PRTFDC1: variants seen among roughly 807,000 people sequenced by gnomAD.
PRTFDC1 encodes phosphoribosyl transferase domain containing 1.
In PRTFDC1, 38 loss-of-function variants were observed where a neutral mutation model predicts 34.6. The ratio of observed to expected loss-of-function variants is 1.10; its 90% CI spans 0.85 to 1.44. PRTFDC1 has a LOEUF of 1.44. Ranked by LOEUF, PRTFDC1 falls within the 40% of genes most tolerant of loss-of-function variation. The pLI is 0.00. For synonymous variants in PRTFDC1, 93 were observed against 98.1 expected, an observed-to-expected ratio of 0.95 and a Z score of 0.31; for missense variants, 270 against 283.0, an observed-to-expected ratio of 0.95 and a Z score of 0.33.
At chr10:24,942,487 T>A in intron 1 of PRTFDC1, 51 bp from the exon 2 acceptor site, 1 of 1,426,208 alleles carries the variant, frequency 7.0e-7, no homozygotes, top group Non-Finnish European at 9.9e-7. Flanking sequence ...GAAATTTGTT[T>A]AAAACATAAC....
At chr10:24,909,072 G>A (rs1362111857) in intron 3 of PRTFDC1, among the ~76,000 whole-genome samples, 1 of 152,166 alleles carries the variant, frequency 6.6e-6, no homozygotes, top group Admixed American at 6.5e-5. Context: ...ATTGAGGCCA[G>A]GAGCTCAAAA....
In PRTFDC1 at chr10:24,920,236, T is replaced by A. The variant is rs531409629; in HGVS notation, c.339+16948A>T. ...GACATGGAATCAACCCAAATGCCCA[T>A]CAATGATAGACTGGATAAATAAAAT... On this transcript the variant is annotated intron_variant, in intron 3 of 8. Transcript: ENST00000320152. Among the ~76,000 whole-genome samples, 14 of 152,120 alleles carry A rather than the reference T, an allele frequency of 9.2e-5. No homozygotes were observed. In the South Asian group the frequency reaches 2.7e-3, roughly 29 times the overall value.
intron 2 of PRTFDC1, among the ~76,000 whole-genome samples, chr10:24,937,568 T>C (rs1849074747): frequency 6.6e-6 from 1 of 151,468 alleles, no homozygotes; most frequent in South Asian, 2.1e-4. Context: ...TTTTTTTTTT[T>C]TTTTTTTAAG....
At chr10:24,899,304 A>AGTTGGACCTCTTCTTCTT (rs1386347174) in intron 3 of PRTFDC1, among the ~76,000 whole-genome samples, 61 of 152,306 alleles carry the variant, frequency 4.0e-4, no homozygotes, top group Middle Eastern at 6.8e-3. Flanking sequence ...TTTCCACAGT[A>AGTTGGACCTCTTCTTCTT]GTTGGACCTC....
intron 3 of PRTFDC1, among the ~76,000 whole-genome samples, chr10:24,890,059 A>C (rs1848234581): frequency 6.6e-6 from 1 of 152,230 alleles, no homozygotes; most frequent in Admixed American, 6.5e-5. Context: ...TGTATCCTCT[A>C]ATAAATGTTT....
intron 3 of PRTFDC1, 73 bp from the exon 4 acceptor site, chr10:24,872,136 T>G: frequency 7.5e-7 from 1 of 1,335,776 alleles, no homozygotes; most frequent in South Asian, 1.2e-5. Flanking sequence ...TTTTCCTGTC[T>G]ACCCAGTTAG....
In PRTFDC1 at chr10:24,952,046, A is replaced by G. The variant is rs1271382588; in HGVS notation, c.48+482T>C. The stretch of plus-strand genomic sequence containing the variant: ...TGGGTACCAAAGGCTTCAAATCTCA[A>G]GCTCTGTCCACTTGAGCTACTTTAT... On this transcript the variant is annotated intron_variant, in intron 1 of 8. Coordinates refer to ENST00000320152, the MANE Select transcript of PRTFDC1 (RefSeq NM_020200.7). The surrounding 1 kb of genome is among the most constrained non-coding windows in gnomAD (Gnocchi z 5.1). 6.6e-6 allele frequency among the ~76,000 whole-genome samples: 1 copy of G among 152,220 alleles called. No individual in the cohort carries two copies. The highest frequency in any genetic ancestry group is 2.4e-5 in the African/African-American group (1 of 41,466).
intron 4 of PRTFDC1, among the ~76,000 whole-genome samples, chr10:24,859,898 T>C (rs1847647959): frequency 6.6e-6 from 1 of 152,200 alleles, no homozygotes; most frequent in Non-Finnish European, 1.5e-5. Context: ...CTGATTAAAC[T>C]TATTACTGAG....
At chr10:24,880,082 T>C (rs566687826) in intron 3 of PRTFDC1, among the ~76,000 whole-genome samples, 2 of 152,264 alleles carry the variant, frequency 1.3e-5, no homozygotes, top group South Asian at 4.1e-4. Flanking sequence ...TCAGTTTCCT[T>C]ATGAATAAAA....
chr10:24,903,437 C>A (rs548370912), intron 3 of PRTFDC1, among the ~76,000 whole-genome samples: 18 of 152,150 alleles, frequency 1.2e-4, no homozygotes, highest in Non-Finnish European at 2.1e-4. Flanking sequence ...GATGTGGACA[C>A]TTTTCTGAAT....
intron 1 of PRTFDC1, 121 bp from the exon 2 acceptor site, chr10:24,942,557 GTTAT>G (rs1174575330): frequency 1.0e-5 from 8 of 786,678 alleles, no homozygotes; most frequent in African/African-American, 8.4e-5. Context: ...GTGGAACAAG[GTTAT>G]TTGTTTCCAC....
intron 4 of PRTFDC1, among the ~76,000 whole-genome samples, chr10:24,869,364 T>G (rs1334030896): frequency 6.6e-6 from 1 of 152,142 alleles, no homozygotes; most frequent in African/African-American, 2.4e-5. Flanking sequence ...CAAAAACCCT[T>G]CCCCAGGGCT....
chr10:24,930,744 C>T (rs1000117714), intron 3 of PRTFDC1, among the ~76,000 whole-genome samples: 7 of 151,954 alleles, frequency 4.6e-5, no homozygotes, highest in Non-Finnish European at 7.4e-5. Flanking sequence ...ATGTGTAGTA[C>T]AAATATAATA....
intron 3 of PRTFDC1, among the ~76,000 whole-genome samples, chr10:24,925,695 C>T (rs1263569557): frequency 6.6e-6 from 1 of 152,092 alleles, no homozygotes; most frequent in African/African-American, 2.4e-5. Flanking sequence ...ATACTAATAA[C>T]ACATACACTT....
chr10:24,880,842 TCTTTC>T (rs1848062213), intron 3 of PRTFDC1, among the ~76,000 whole-genome samples: 1 of 147,050 alleles, frequency 6.8e-6, no homozygotes, highest in South Asian at 2.2e-4. Context: ...TTTCTTTCTT[TCTTTC>T]TTTCTTTCTT....
rs1849312071 is a variant in PRTFDC1 at position 24,949,841 on chromosome 10, TCTC to T, written c.48+2684_48+2686del. 3.3e-5 allele frequency among the ~76,000 whole-genome samples: 5 copies of T among 152,010 alleles called. No homozygotes were observed. In the South Asian group the frequency reaches 1.0e-3, roughly 32 times the overall value. On this transcript the variant is annotated intron_variant, in intron 1 of 8. Transcript: ENST00000320152. ...CCTCCACCTTCCGGATTCAAGCAAT[TCTC>T]CTGCTTCTGCCTCCCAAGTAGCTGT...
At chr10:24,889,145 T>G (rs1848220374) in intron 3 of PRTFDC1, among the ~76,000 whole-genome samples, 1 of 152,098 alleles carries the variant, frequency 6.6e-6, no homozygotes, top group Non-Finnish European at 1.5e-5. Context: ...GATTAGTGCC[T>G]TTAGAAAAGA....
chr10:24,937,489 G>T, intron 2 of PRTFDC1, 122 bp from the exon 3 acceptor site: 1 of 879,548 alleles, frequency 1.1e-6, no homozygotes, highest in Non-Finnish European at 1.6e-6. Context: ...GAAAACCTTG[G>T]GAAACAGAAA....
At chr10:24,910,892 A>ATTTTTT (rs554253291) in intron 3 of PRTFDC1, among the ~76,000 whole-genome samples, 1 of 141,124 alleles carries the variant, frequency 7.1e-6, no homozygotes, top group Non-Finnish European at 1.6e-5. Context: ...GAGTTAGGTA[A>ATTTTTT]TTTTTTTTTT....
Sources: gnomAD v4.1 joint callset for allele counts (sites outside exome capture counted in the v4.1 genomes callset) on GRCh38, gnomAD v4.1.1 for gene constraint, Gnocchi (gnomAD v3.1) non-coding constraint, MANE v1.5 for transcripts, NCBI Gene and HGNC (gene_info 2026-07-23, HGNC 2026-07-21) for gene names.